The following SCGN variants were observed in gnomAD, a reference collection of about 807,000 sequenced individuals.
SCGN encodes the protein secretagogin.
In SCGN, 30 loss-of-function variants were observed where a neutral mutation model predicts 39.7. The ratio of observed to expected loss-of-function variants is 0.76; its 90% confidence interval spans 0.57 to 1.03. SCGN has a LOEUF of 1.03. Ranked by LOEUF, SCGN falls within the 50% of genes least tolerant of loss-of-function variation. SCGN has a pLI of 0.00. For synonymous variants in SCGN, 106 were observed against 114.1 expected, an observed-to-expected ratio of 0.93 and a Z score of 0.45; for missense variants, 353 against 349.4, an observed-to-expected ratio of 1.01 and a Z score of -0.08.
intron 4 of SCGN, among the ~76,000 whole-genome samples, chr6:25,666,458 G>A (rs572499506): frequency 3.9e-5 from 6 of 152,218 alleles, no homozygotes; most frequent in South Asian, 4.1e-4. Flanking sequence ...ATGTTGCATC[G>A]TCACTTATAG....
At chr6:25,675,450 C>T (rs1332243031) in intron 6 of SCGN, among the ~76,000 whole-genome samples, 2 of 152,232 alleles carry the variant, frequency 1.3e-5, no homozygotes, top group East Asian at 1.9e-4. Context: ...TCCCTGCTTT[C>T]ACGCCACTGT....
chr6:25,699,446 C>T (rs553489402), intron 10 of SCGN, among the ~76,000 whole-genome samples: 53 of 151,514 alleles, frequency 3.5e-4, no homozygotes, highest in East Asian at 2.3e-3. Flanking sequence ...CAAAATTAGC[C>T]GGGTGTGGTG....
intron 7 of SCGN, 82 bp downstream of exon 7, chr6:25,682,088 T>C: frequency 9.4e-7 from 1 of 1,062,454 alleles, no homozygotes; most frequent in Non-Finnish European, 1.5e-6. Flanking sequence ...CTTTTGAGAC[T>C]GGAGATCAAG....
rs187850964 is a variant in SCGN at position 25,656,636 on chromosome 6, A to T, written c.153+3184A>T. Among the ~76,000 whole-genome samples the T allele has an allele frequency of 9.0e-3, 1,366 of 152,320 alleles. 16 individuals are homozygous for T. Among genetic ancestry groups the T allele is most frequent in the African/African-American group, 0.03 (1,234 of 41,570 alleles). ...GGCCTCTTTCAATACTTCAGGGATT[A>T]TAGTACCCTGCTGTAGCCTAGCGTC... On this transcript the variant is annotated intron_variant, in intron 2 of 10. Transcript: ENST00000377961.
At chr6:25,681,359 A>G (rs1759635004) in intron 6 of SCGN, among the ~76,000 whole-genome samples, 1 of 152,228 alleles carries the variant, frequency 6.6e-6, no homozygotes, top group Admixed American at 6.5e-5. Context: ...TGAGGGCTAG[A>G]ATAAAATAGT....
At chr6:25,683,237 C>T (rs1759660775) in intron 7 of SCGN, among the ~76,000 whole-genome samples, 1 of 152,210 alleles carries the variant, frequency 6.6e-6, no homozygotes, top group Admixed American at 6.5e-5. Flanking sequence ...TTCTCTTGGT[C>T]AATGGAGGCA....
chr6:25,687,429 C>A (rs1041041630), intron 7 of SCGN, among the ~76,000 whole-genome samples: 1 of 152,070 alleles, frequency 6.6e-6, no homozygotes, highest in African/African-American at 2.4e-5. Context: ...ATATTTTATT[C>A]TTTTTGATGC....
chr6:25,701,438 A>C lies in SCGN; in HGVS notation c.*103A>C. 1 of 1,441,648 alleles carries C rather than the reference A, an allele frequency of 6.9e-7. No homozygotes were observed. Among genetic ancestry groups the C allele is most frequent in the East Asian group, 2.4e-5 (1 of 42,190 alleles). 89.3% of individuals were successfully genotyped at this position (1,441,648 alleles called of 1,614,324 possible). A position where few individuals can be genotyped will look rare whatever the true frequency, so the allele number is the denominator to read the frequency against. On this transcript the variant is annotated 3_prime_UTR_variant, in exon 11 of 11. Transcript: ENST00000377961. ...GGGAACACAGTGGGCAAACTCACAAATGGTGTGCTATTCTTGGGCAAGAAC... is the reference window on the plus strand; with the variant it reads ...GGGAACACAGTGGGCAAACTCACAACTGGTGTGCTATTCTTGGGCAAGAAC...
At chr6:25,693,169 C>T (rs895613775) in intron 10 of SCGN, among the ~76,000 whole-genome samples, 3 of 151,880 alleles carry the variant, frequency 2.0e-5, no homozygotes, top group African/African-American at 4.8e-5. Flanking sequence ...TAGAACAAAG[C>T]GGCCGGGCGC....
intron 2 of SCGN, among the ~76,000 whole-genome samples, chr6:25,655,985 G>T (rs1256432401): frequency 6.6e-6 from 1 of 152,192 alleles, no homozygotes; most frequent in African/African-American, 2.4e-5. Flanking sequence ...AAACGCTGAG[G>T]CATTACTCTG....
intron 4 of SCGN, among the ~76,000 whole-genome samples, chr6:25,669,176 T>C (rs561319795): frequency 1.3e-5 from 2 of 152,186 alleles, no homozygotes; most frequent in African/African-American, 4.8e-5. Context: ...CTGAGGAGGC[T>C]TCTTAGTTTG....
intron 4 of SCGN, among the ~76,000 whole-genome samples, chr6:25,668,090 C>T (rs1759417595): frequency 6.6e-6 from 1 of 152,082 alleles, no homozygotes. Flanking sequence ...GCATCAGTAT[C>T]AACACCTCCT....
chr6:25,689,297 G>T (rs192220933), intron 8 of SCGN, 80 bp downstream of exon 8: 5 of 1,192,176 alleles, frequency 4.2e-6, no homozygotes, highest in Non-Finnish European at 6.1e-6. Flanking sequence ...AGAAAGGAAG[G>T]CATCTATTTG....
At chr6:25,697,955 C>T (rs757683501) in intron 10 of SCGN, among the ~76,000 whole-genome samples, 57 of 152,140 alleles carry the variant, frequency 3.7e-4, no homozygotes, top group Non-Finnish European at 6.8e-4. Context: ...TTAGTTTACT[C>T]ATCTATAAAT....
intron 7 of SCGN, among the ~76,000 whole-genome samples, chr6:25,688,506 T>C (rs923574895): frequency 6.6e-6 from 1 of 152,166 alleles, no homozygotes; most frequent in Admixed American, 6.5e-5. Flanking sequence ...TAACCAAGAT[T>C]CAGCTGTTTT....
At chr6:25,697,734 T>C (rs1759856155) in intron 10 of SCGN, among the ~76,000 whole-genome samples, 2 of 152,152 alleles carry the variant, frequency 1.3e-5, no homozygotes, top group African/African-American at 2.4e-5. Flanking sequence ...GGGAGACAGG[T>C]CAGCATTTTT....
chr6:25,690,413 G>A (rs977942360), intron 9 of SCGN, among the ~76,000 whole-genome samples: 1 of 152,072 alleles, frequency 6.6e-6, no homozygotes, highest in East Asian at 1.9e-4. Context: ...CTAAGGGAAT[G>A]GAATTTTTAA....
At chr6:25,669,301 C>CAA (rs1354929121) in intron 4 of SCGN, among the ~76,000 whole-genome samples, 1 of 152,086 alleles carries the variant, frequency 6.6e-6, no homozygotes, top group Admixed American at 6.5e-5. Flanking sequence ...CATTGTGGCC[C>CAA]TCCTTAAGTG....
intron 2 of SCGN, among the ~76,000 whole-genome samples, chr6:25,653,768 G>A (rs1760176632): frequency 6.6e-6 from 1 of 152,144 alleles, no homozygotes; most frequent in South Asian, 2.1e-4. Context: ...TTATACCTGG[G>A]GGTAAAGTAG....
Sources: allele counts gnomAD v4.1 joint callset (sites outside exome capture counted in the v4.1 genomes callset), GRCh38; gene constraint gnomAD v4.1.1; transcripts MANE v1.5; gene names NCBI Gene and HGNC (gene_info 2026-07-23, HGNC 2026-07-21).